CLDN16: variants seen among roughly 807,000 people sequenced by gnomAD.
CLDN16 encodes the protein claudin-16.
A neutral mutation model predicts 24.6 loss-of-function variants in CLDN16; 13 were observed. The ratio of observed to expected loss-of-function variants is 0.53; its 90% CI spans 0.34 to 0.84. The LOEUF is 0.84. Among genes scored for constraint, CLDN16 ranks in the 40% least tolerant of loss-of-function variants. The pLI, the probability that CLDN16 is intolerant of heterozygous loss-of-function variation, is 0.01. For missense variants in CLDN16, 298 were observed against 292.7 expected (o/e 1.02, Z -0.13); for synonymous variants, 116 against 106.7 (o/e 1.09, Z -0.54).
intron 1 of CLDN16, among the ~76,000 whole-genome samples, chr3:190,361,729 T>C (rs79080646): frequency 2.4e-4 from 37 of 151,878 alleles, no homozygotes; most frequent in African/African-American, 8.7e-4. Flanking sequence ...ATTTTTTTTT[T>C]CTAACAAAGA....
upstream of CLDN16, among the ~76,000 whole-genome samples, chr3:190,318,634 T>G (rs1292638660): frequency 6.6e-6 from 1 of 152,230 alleles, no homozygotes; most frequent in African/African-American, 2.4e-5. Flanking sequence ...ACAGAGAATT[T>G]CTGATCTCAA....
chr3:190,389,867 C>T (rs1164879036), intron 1 of CLDN16, among the ~76,000 whole-genome samples: 1 of 151,876 alleles, frequency 6.6e-6, no homozygotes, highest in East Asian at 1.9e-4. Context: ...TTTTAAAATA[C>T]AAAAAAATGT....
upstream of CLDN16, among the ~76,000 whole-genome samples, chr3:190,317,635 A>G (rs1716805353): frequency 6.6e-6 from 1 of 152,200 alleles, no homozygotes; most frequent in Admixed American, 6.5e-5. Flanking sequence ...TCTATATATC[A>G]TAAACAAAAT....
chr3:190,311,127 AT>A, the CLDN16 span, among the ~76,000 whole-genome samples: 1 of 152,210 alleles, frequency 6.6e-6, no homozygotes, highest in Non-Finnish European at 1.5e-5. Flanking sequence ...GGCTTCTCAA[AT>A]AGACCATGCG....
chr3:190,342,020 A>G (rs1437781425), intron 1 of CLDN16, among the ~76,000 whole-genome samples: 1 of 152,134 alleles, frequency 6.6e-6, no homozygotes, highest in Non-Finnish European at 1.5e-5. Context: ...TTTCCATATC[A>G]CTATCAGCAT....
the CLDN16 span, among the ~76,000 whole-genome samples, chr3:190,311,684 AT>A: frequency 6.6e-6 from 1 of 151,152 alleles, no homozygotes; most frequent in Non-Finnish European, 1.5e-5. Flanking sequence ...ATAGTAGTCT[AT>A]TATTATAGCT....
At chr3:190,311,798 C>T in the CLDN16 span, among the ~76,000 whole-genome samples, 2 of 151,282 alleles carry the variant, frequency 1.3e-5, no homozygotes, top group South Asian at 2.2e-4. Context: ...CATATACACA[C>T]GTAAGTATAC....
chr3:190,387,134 T>G (rs1248325050), upstream of CLDN16, among the ~76,000 whole-genome samples: 2 of 152,154 alleles, frequency 1.3e-5, no homozygotes, highest in African/African-American at 2.4e-5. Context: ...ACCACTTTGT[T>G]TTTACTGTTC....
intron 1 of CLDN16, among the ~76,000 whole-genome samples, chr3:190,401,522 T>C (rs1230895684): frequency 6.6e-6 from 1 of 152,214 alleles, no homozygotes; most frequent in Admixed American, 6.5e-5. Context: ...CCTGAAACTA[T>C]TTTCTGTTGG....
the CLDN16 span, among the ~76,000 whole-genome samples, chr3:190,296,723 G>A: frequency 6.6e-6 from 1 of 151,548 alleles, no homozygotes; most frequent in African/African-American, 2.4e-5. Flanking sequence ...CTAATTTTTT[G>A]TATTTTTAGT....
rs546882243 is a variant in CLDN16 at position 190,402,846 on chromosome 3, GA to G, written c.217+410del. Among the ~76,000 whole-genome samples, 58 of 152,258 alleles carry G rather than the reference GA, an allele frequency of 3.8e-4. 1 individual carries two copies. In the South Asian group the frequency reaches 0.012, roughly 30 times the overall value. ...TTTAAGCTATGACTTAGTTCAAATA[GA>G]AAGTTTACAGTTATTTCAGTTGAAG... On this transcript the variant is annotated intron_variant, in intron 2 of 4. Coordinates refer to ENST00000264734, the MANE Select transcript of CLDN16 (RefSeq NM_006580.4).
At chr3:190,290,743 G>A in the CLDN16 span, among the ~76,000 whole-genome samples, 1 of 152,132 alleles carries the variant, frequency 6.6e-6, no homozygotes, top group Non-Finnish European at 1.5e-5. Context: ...TAATTTATTA[G>A]GGATATGTGA....
rs75538270 is a variant in CLDN16, at chr3:190,345,074, A to G, written n.121+22413A>G. Among the ~76,000 whole-genome samples, 655 of 152,260 alleles carry G rather than the reference A, an allele frequency of 4.3e-3. 2 individuals carry two copies. Among genetic ancestry groups the G allele is most frequent in the African/African-American group, 0.015 (623 of 41,564 alleles). ...TAGATTTAAAGGGTAAAGTAATTTGACTAAAGACACCCCTCTCCACCTAAC... is the reference window on the plus strand; with the variant it reads ...TAGATTTAAAGGGTAAAGTAATTTGGCTAAAGACACCCCTCTCCACCTAAC... On this transcript the variant is annotated intron_variant and non_coding_transcript_variant, in intron 1 of 4. Coordinates refer to the CLDN16 transcript ENST00000468220.
At chr3:190,322,208 A>G, upstream of CLDN16, 2 of 1,613,196 alleles carry the variant, frequency 1.2e-6, no homozygotes, top group South Asian at 1.1e-5. Flanking sequence ...GTTGGCCATG[A>G]CTCGCTCGGG....
chr3:190,348,275 T>A (rs373877759), intron 1 of CLDN16, among the ~76,000 whole-genome samples: 1,022 of 22,188 alleles, frequency 0.046, no homozygotes, highest in Non-Finnish European at 0.07. Flanking sequence ...AAAAAAAGAA[T>A]AAATCAAAAA....
chr3:190,410,262 T>A lies in CLDN16; in HGVS notation c.*226T>A. 1.9e-6 allele frequency: 1 copy of A among 537,086 alleles called. No individual in the cohort carries two copies. Among genetic ancestry groups the A allele is most frequent in the Non-Finnish European group, 3.3e-6 (1 of 301,318 alleles). 33.3% of individuals were successfully genotyped at this position (537,086 alleles called of 1,614,324 possible). Reference sequence around the variant, plus strand: ...TTCCACCTTATGCACACACTTTCCCTATATTTTAAGATAAGTCTGCTAGGA... The same window carrying A: ...TTCCACCTTATGCACACACTTTCCCAATATTTTAAGATAAGTCTGCTAGGA... On this transcript the variant is annotated 3_prime_UTR_variant, in exon 5 of 5. Coordinates refer to ENST00000264734, the MANE Select transcript of CLDN16 (RefSeq NM_006580.4).
chr3:190,345,848 C>A (rs1362365737), intron 1 of CLDN16, among the ~76,000 whole-genome samples: 1 of 152,094 alleles, frequency 6.6e-6, no homozygotes, highest in African/African-American at 2.4e-5. Flanking sequence ...TTTAAACTAA[C>A]AACTGTATGT....
chr3:190,344,515 A>G lies in CLDN16; in HGVS notation n.121+21854A>G, dbSNP rs911024764. Among the ~76,000 whole-genome samples, 17 of 152,002 alleles carry G rather than the reference A, an allele frequency of 1.1e-4. 1 individual carries two copies. In the South Asian group the frequency reaches 3.3e-3, roughly 30 times the overall value. On this transcript the variant is annotated intron_variant and non_coding_transcript_variant, in intron 1 of 4. Transcript: ENST00000468220. ...TATAATTCATAATTATACATAGTAC[A>G]TACTGTATTACATACTATGTATTCT...
intron 1 of CLDN16, among the ~76,000 whole-genome samples, chr3:190,343,541 C>A (rs1343838868): frequency 6.6e-6 from 1 of 152,076 alleles, no homozygotes; most frequent in African/African-American, 2.4e-5. Context: ...ACCTAAGATA[C>A]AGAAACAACC....
Sources: allele counts gnomAD v4.1 joint callset (sites outside exome capture counted in the v4.1 genomes callset), GRCh38; gene constraint gnomAD v4.1.1; transcripts MANE v1.5; gene names NCBI Gene and HGNC (gene_info 2026-07-23, HGNC 2026-07-21).